The following NDRG4 variants were observed in gnomAD, a reference collection of about 807,000 sequenced individuals.
NDRG4 encodes protein NDRG4.
In NDRG4, 38 loss-of-function variants were observed where a neutral mutation model predicts 55.8. That is an observed-to-expected ratio of 0.68 (90% CI 0.53 to 0.89). NDRG4 has a LOEUF of 0.89. Ranked by LOEUF, NDRG4 falls within the 40% of genes least tolerant of loss-of-function variation. The pLI is 0.00. For synonymous variants in NDRG4, 190 were observed against 182.7 expected, an observed-to-expected ratio of 1.04 and a Z score of -0.32; for missense variants, 455 against 468.6, an observed-to-expected ratio of 0.97 and a Z score of 0.27.
At chr16:58,499,443 CT>C (rs1398897802), upstream of NDRG4, 1 of 152,582 alleles carries the variant, frequency 6.6e-6, no homozygotes, top group Non-Finnish European at 1.5e-5. Flanking sequence ...CCCAGGGCCC[CT>C]GGCCCCCGGC....
Position 58,464,686 on chromosome 16 carries a change from G to A in NDRG4, c.-24+889G>A. ...TGGCGCTGGCGTCCGGGCTGCGGGAGCACCGGTCAGGGGGTGGCCCCATGG... is the reference window on the plus strand; with the variant it reads ...TGGCGCTGGCGTCCGGGCTGCGGGAACACCGGTCAGGGGGTGGCCCCATGG... On this transcript the variant is annotated intron_variant, in intron 1 of 15. Transcript: ENST00000258187. This position sits in a 1 kb window ranked among gnomAD's most constrained non-coding sequence, Gnocchi z 4.8. The A allele has an allele frequency of 8.8e-7, 1 of 1,134,634 alleles. No homozygotes were observed. Among genetic ancestry groups the A allele is most frequent in the Non-Finnish European group, 1.1e-6 (1 of 885,918 alleles). The allele number at this position is 1,134,634 out of a possible 1,614,324, so 70.3% of individuals were successfully genotyped here. A position where few individuals can be genotyped will look rare whatever the true frequency, so the allele number is the denominator to read the frequency against.
At chr16:58,471,191 T>TTTA (rs1172094784) in intron 1 of NDRG4, among the ~76,000 whole-genome samples, 1 of 128,420 alleles carries the variant, frequency 7.8e-6, no homozygotes, top group African/African-American at 2.9e-5. Flanking sequence ...TGTTGCTTTT[T>TTTA]TTTTTTTTTT....
chr16:58,465,580 G>A (rs531725714), intron 1 of NDRG4, among the ~76,000 whole-genome samples: 2 of 140,450 alleles, frequency 1.4e-5, no homozygotes, highest in Admixed American at 1.4e-4. Flanking sequence ...TGGGGGTGGG[G>A]TACGTTGGGT....
intron 2 of NDRG4, among the ~76,000 whole-genome samples, chr16:58,494,149 G>A (rs2036121306): frequency 6.6e-6 from 1 of 152,222 alleles, no homozygotes; most frequent in South Asian, 2.1e-4. Context: ...TGAGAGCACA[G>A]CTAGATGTGG....
At chr16:58,508,417 T>C (rs1227556169) in intron 10 of NDRG4, among the ~76,000 whole-genome samples, 2 of 152,214 alleles carry the variant, frequency 1.3e-5, no homozygotes, top group African/African-American at 2.4e-5. Flanking sequence ...GGGGGCCGTG[T>C]GTCACCTCTC....
chr16:58,506,646 G>A lies in NDRG4; in HGVS notation c.516+32G>A, dbSNP rs780328898. 20 of 1,545,592 alleles carry A rather than the reference G, an allele frequency of 1.3e-5. No individual in the cohort carries two copies. In the Admixed American group the frequency reaches 2.0e-4, roughly 16 times the overall value. On this transcript the variant is annotated intron_variant, in intron 7 of 14. Coordinates refer to ENST00000570248, the MANE Select transcript of NDRG4 (RefSeq NM_001242835.2). Reference sequence around the variant, plus strand: ...GGGGGAACTTCTGCAGATCTGGGGTGATCTGGGATTTGCCCCTCCCAGCTG... The same window carrying A: ...GGGGGAACTTCTGCAGATCTGGGGTAATCTGGGATTTGCCCCTCCCAGCTG...
chr16:58,472,278 T>C (rs74019885), intron 1 of NDRG4: 4,994 of 152,446 alleles, frequency 0.033, 269 homozygotes, highest in African/African-American at 0.11. Flanking sequence ...CAGAGGTCCC[T>C]TGCAACCCAC....
intron 1 of NDRG4, among the ~76,000 whole-genome samples, chr16:58,502,630 A>T (rs1484438163): frequency 6.6e-6 from 1 of 152,086 alleles, no homozygotes; most frequent in Non-Finnish European, 1.5e-5. Flanking sequence ...TTCTTTCTAA[A>T]CCAAAGTGTC....
chr16:58,464,354 C>T lies in NDRG4; in HGVS notation c.-24+557C>T. ...TCCTGCCGCTCCGCTCCGGGTCTCC[C>T]GCGCTCCTCTCCCCGGCTCGGCCGA... On this transcript the variant is annotated intron_variant, in intron 1 of 15. Coordinates refer to the NDRG4 transcript ENST00000258187. The surrounding 1 kb of genome is among the most constrained non-coding windows in gnomAD (Gnocchi z 4.8). 7.8e-7 allele frequency: 1 copy of T among 1,285,142 alleles called. No homozygotes were observed. The highest frequency in any genetic ancestry group is 1.0e-6 in the Non-Finnish European group (1 of 997,166). The allele number at this position is 1,285,142 out of a possible 1,614,324, so 79.6% of individuals were successfully genotyped here. A position where few individuals can be genotyped will look rare whatever the true frequency, so the allele number is the denominator to read the frequency against.
chr16:58,514,556 G>A (rs988603829), downstream of NDRG4, among the ~76,000 whole-genome samples: 1 of 152,000 alleles, frequency 6.6e-6, no homozygotes, highest in Admixed American at 6.6e-5. Context: ...GGGCAACGCG[G>A]TGAAACCCCG....
intron 1 of NDRG4, among the ~76,000 whole-genome samples, chr16:58,503,542 C>T (rs1026049194): frequency 2.6e-5 from 4 of 152,120 alleles, no homozygotes; most frequent in Non-Finnish European, 4.4e-5. Context: ...CAGCACAAAC[C>T]AGTGGCTGGT....
At chr16:58,493,139 T>C (rs576569341) in intron 2 of NDRG4, among the ~76,000 whole-genome samples, 3 of 152,334 alleles carry the variant, frequency 2.0e-5, no homozygotes, top group Admixed American at 2.0e-4. Flanking sequence ...CTGGTTTCAT[T>C]CTTCTGCTTT....
At chr16:58,463,779 T>G (rs2030972410) in exon 1 of NDRG4, 1 of 150,840 alleles carries the variant, frequency 6.6e-6, no homozygotes, top group Non-Finnish European at 1.5e-5. Context: ...TGCGCGTCTG[T>G]CTCGTCCGCA....
chr16:58,502,465 C>T (rs2037296736), intron 1 of NDRG4, among the ~76,000 whole-genome samples: 1 of 152,156 alleles, frequency 6.6e-6, no homozygotes, highest in Non-Finnish European at 1.5e-5. Context: ...CAGGGTAGAG[C>T]CTTTGGCCAC....
rs758393398 is a variant in NDRG4 at position 58,511,999 on chromosome 16, G to A, written c.*423G>A. 14 of 461,074 alleles carry A rather than the reference G, an allele frequency of 3.0e-5. No homozygotes were observed. The highest frequency in any genetic ancestry group is 1.2e-4 in the Admixed American group (5 of 42,600). 28.6% of individuals were successfully genotyped at this position (461,074 alleles called of 1,614,324 possible). A position where few individuals can be genotyped will look rare whatever the true frequency, so the allele number is the denominator to read the frequency against. ...AGGCACTGGCGTGGGAGCCCTGGGA[G>A]ACCCCTTCCCCCACCCTCCACCAAG... On this transcript the variant is annotated 3_prime_UTR_variant, in exon 15 of 15. Coordinates refer to ENST00000570248, the MANE Select transcript of NDRG4 (RefSeq NM_001242835.2).
chr16:58,472,463 G>A lies in NDRG4; in HGVS notation c.-24+8666G>A, dbSNP rs183133655. Among the ~76,000 whole-genome samples the A allele has an allele frequency of 1.0e-3, 153 of 152,306 alleles. 1 individual carries two copies. Among genetic ancestry groups the A allele is most frequent in the African/African-American group, 3.6e-3 (148 of 41,560 alleles). On this transcript the variant is annotated intron_variant, in intron 1 of 15. Coordinates refer to the NDRG4 transcript ENST00000258187. ...GGAAAGGCCTGCTGTCAAGCACGTAGGGCCCTCTGACCCCGCACTGGGGCC... is the reference window on the plus strand; with the variant it reads ...GGAAAGGCCTGCTGTCAAGCACGTAAGGCCCTCTGACCCCGCACTGGGGCC...
chr16:58,464,441 TG>T lies in NDRG4; in HGVS notation c.-24+647del. The T allele has an allele frequency of 7.3e-7, 1 of 1,361,142 alleles. No homozygotes were observed. The highest frequency in any genetic ancestry group is 1.8e-5 in the South Asian group (1 of 54,800). The allele number at this position is 1,361,142 out of a possible 1,614,324, so 84.3% of individuals were successfully genotyped here. The stretch of plus-strand genomic sequence containing the variant: ...GCGCCGGGCGCCGAGATGAAGGTGC[TG>T]GGACACCGGCTGGAGCTGCTCACAG... On this transcript the variant is annotated intron_variant, in intron 1 of 15. Coordinates refer to the NDRG4 transcript ENST00000258187. This position sits in a 1 kb window ranked among gnomAD's most constrained non-coding sequence, Gnocchi z 4.8.
intron 1 of NDRG4, chr16:58,465,053 G>C (rs1463536609): frequency 7.9e-7 from 1 of 1,271,798 alleles, no homozygotes; most frequent in Non-Finnish European, 1.0e-6. Flanking sequence ...GAGCAAGAGC[G>C]AACGGTCAGG....
At chr16:58,491,467 T>TC (rs2035782133) in intron 2 of NDRG4, among the ~76,000 whole-genome samples, 1 of 151,240 alleles carries the variant, frequency 6.6e-6, no homozygotes, top group Admixed American at 6.6e-5. Flanking sequence ...TTTTTTTTTT[T>TC]CATTTTATTT....
Sources: allele counts gnomAD v4.1 joint callset (sites outside exome capture counted in the v4.1 genomes callset), GRCh38; gene constraint gnomAD v4.1.1; non-coding constraint Gnocchi (gnomAD v3.1); transcripts MANE v1.5; gene names NCBI Gene and HGNC (gene_info 2026-07-23, HGNC 2026-07-21).